SYT1: variants seen among roughly 807,000 people sequenced by gnomAD.
SYT1 encodes synaptotagmin-1.
In SYT1, 8 loss-of-function variants were observed where a neutral mutation model predicts 44.8. The ratio of observed to expected loss-of-function variants is 0.18; its 90% CI spans 0.10 to 0.32. SYT1 has a LOEUF of 0.32. SYT1 is among the 10% of genes least tolerant of loss of function. The pLI is 1.00. For synonymous variants in SYT1, 154 were observed against 188.8 expected, an observed-to-expected ratio of 0.82 and a Z score of 1.51; for missense variants, 286 against 509.3, an observed-to-expected ratio of 0.56 and a Z score of 4.22.
chr12:79,365,151 G>T (rs1565927265), intron 9 of SYT1, among the ~76,000 whole-genome samples: 2 of 151,608 alleles, frequency 1.3e-5, no homozygotes, highest in Non-Finnish European at 2.9e-5. Flanking sequence ...ATCCTTCCAG[G>T]TTTTCTTTCT....
At chr12:79,192,799 A>G (rs1873211362) in intron 3 of SYT1, among the ~76,000 whole-genome samples, 1 of 152,172 alleles carries the variant, frequency 6.6e-6, no homozygotes, top group African/African-American at 2.4e-5. Context: ...TGAATGAATT[A>G]TTTATTACTT....
chr12:79,214,091 T>A (rs991638343), intron 3 of SYT1, among the ~76,000 whole-genome samples: 5 of 152,170 alleles, frequency 3.3e-5, no homozygotes, highest in African/African-American at 1.2e-4. Flanking sequence ...AACAATATTA[T>A]CTCTCAAGAT....
intron 1 of SYT1, among the ~76,000 whole-genome samples, chr12:78,898,083 A>G (rs2137089531): frequency 6.6e-6 from 1 of 152,196 alleles, no homozygotes. Context: ...AAGTCTATAC[A>G]GTTGAAAATG....
intron 4 of SYT1, among the ~76,000 whole-genome samples, chr12:79,237,658 A>C (rs891663753): frequency 6.6e-6 from 1 of 152,154 alleles, no homozygotes; most frequent in Non-Finnish European, 1.5e-5. Flanking sequence ...GAAAATTTTA[A>C]GTTAAAAAAA....
intron 3 of SYT1, among the ~76,000 whole-genome samples, chr12:79,136,210 A>G (rs1456143582): frequency 6.6e-6 from 1 of 152,234 alleles, no homozygotes; most frequent in African/African-American, 2.4e-5. Flanking sequence ...TTCAGCTACC[A>G]TCTATTGAAC....
At chr12:78,997,770 A>G (rs1870476202) in intron 2 of SYT1, among the ~76,000 whole-genome samples, 1 of 152,100 alleles carries the variant, frequency 6.6e-6, no homozygotes, top group African/African-American at 2.4e-5. Context: ...GGGGAAGGAA[A>G]GACAGTGTCT....
In SYT1 at chr12:78,931,023, G is replaced by A. The variant is rs113810278; in HGVS notation, c.-216-46776G>A. On this transcript the variant is annotated intron_variant, in intron 1 of 10. Transcript: ENST00000261205. Reference sequence around the variant, plus strand: ...AAGAAGTTAGATATTCAAGTCAGGCGCTGTGGCTCACGCGTGAAATCCCAG... The same window carrying A: ...AAGAAGTTAGATATTCAAGTCAGGCACTGTGGCTCACGCGTGAAATCCCAG... 6.0e-5 allele frequency among the ~76,000 whole-genome samples: 9 copies of A among 151,158 alleles called. 1 individual carries two copies. Among genetic ancestry groups the A allele is most frequent in the South Asian group, 2.1e-4 (1 of 4,790 alleles).
intron 3 of SYT1, among the ~76,000 whole-genome samples, chr12:79,121,238 T>C (rs888259210): frequency 6.6e-6 from 1 of 151,926 alleles, no homozygotes; most frequent in Non-Finnish European, 1.5e-5. Context: ...CCACCCAGAA[T>C]GTAGGGACTG....
chr12:79,043,076 G>A (rs971349869), intron 2 of SYT1, among the ~76,000 whole-genome samples: 40 of 149,606 alleles, frequency 2.7e-4, no homozygotes, highest in Non-Finnish European at 4.9e-4. Flanking sequence ...TAGGTGTGGT[G>A]TGGTGCTGAA....
At chr12:79,200,687 T>A (rs979960224) in intron 3 of SYT1, among the ~76,000 whole-genome samples, 1 of 152,176 alleles carries the variant, frequency 6.6e-6, no homozygotes, top group East Asian at 1.9e-4. Flanking sequence ...CAGTCAACAC[T>A]TTCATTCAGA....
chr12:79,144,697 T>TA (rs2138229256), intron 3 of SYT1, among the ~76,000 whole-genome samples: 1 of 152,362 alleles, frequency 6.6e-6, no homozygotes, highest in Non-Finnish European at 1.5e-5. Context: ...TCATTTCGTT[T>TA]AAGAGACTTA....
rs151301169 is a variant in SYT1, at chr12:79,281,389, G to A, written c.167-4398G>A. Among the ~76,000 whole-genome samples, 14 of 152,216 alleles carry A rather than the reference G, an allele frequency of 9.2e-5. No homozygotes were observed. The East Asian group carries it at 2.7e-3, about 29-fold the overall frequency. ...AAATAATGTCTTTTTGCAGCAACTT[G>A]GTTAGAATTGGAGGCTATTATCCTA... On this transcript the variant is annotated intron_variant, in intron 4 of 10. Transcript: ENST00000261205.
intron 1 of SYT1, among the ~76,000 whole-genome samples, chr12:78,970,047 A>G (rs562794009): frequency 2.0e-5 from 3 of 152,308 alleles, no homozygotes; most frequent in South Asian, 4.1e-4. Context: ...AGTTTGTTAC[A>G]GTATCTAAGT....
intron 1 of SYT1, among the ~76,000 whole-genome samples, chr12:78,894,835 G>A (rs950268232): frequency 9.9e-5 from 15 of 150,976 alleles, no homozygotes; most frequent in African/African-American, 3.6e-4. Context: ...AAGTTTAAGA[G>A]ACCTATTGTA....
At chr12:79,252,985 G>T (rs1229101419) in intron 4 of SYT1, among the ~76,000 whole-genome samples, 1 of 152,106 alleles carries the variant, frequency 6.6e-6, no homozygotes, top group Non-Finnish European at 1.5e-5. Context: ...GAAGTGGAAT[G>T]GTGGGGAGCA....
chr12:78,886,662 A>G (rs976089763), intron 1 of SYT1, among the ~76,000 whole-genome samples: 1 of 152,044 alleles, frequency 6.6e-6, no homozygotes, highest in African/African-American at 2.4e-5. Flanking sequence ...CTCTGAGATG[A>G]GCATTCAGCC....
chr12:78,927,663 C>T (rs1040303671), intron 1 of SYT1, among the ~76,000 whole-genome samples: 7 of 152,016 alleles, frequency 4.6e-5, no homozygotes, highest in Non-Finnish European at 2.9e-5. Flanking sequence ...AAATTGTTAG[C>T]ATGGCAAGGA....
chr12:79,270,375 T>C (rs977932561), intron 4 of SYT1, among the ~76,000 whole-genome samples: 1 of 152,020 alleles, frequency 6.6e-6, no homozygotes, highest in African/African-American at 2.4e-5. Context: ...TAAGACAAAA[T>C]AGAGATATGT....
At chr12:79,004,105 T>C (rs189249942) in intron 2 of SYT1, among the ~76,000 whole-genome samples, 2 of 152,050 alleles carry the variant, frequency 1.3e-5, no homozygotes, top group Admixed American at 1.3e-4. Context: ...ATTTAGTTTA[T>C]ATGTATAAGA....
Sources: allele counts gnomAD v4.1 joint callset (sites outside exome capture counted in the v4.1 genomes callset), GRCh38; gene constraint gnomAD v4.1.1; transcripts MANE v1.5; gene names NCBI Gene and HGNC (gene_info 2026-07-23, HGNC 2026-07-21).